The following ARHGAP26 variants were observed in gnomAD, a reference collection of about 807,000 sequenced individuals.
ARHGAP26 encodes the protein Rho GTPase activating protein 26, also known as rho GTPase-activating protein 26.
ARHGAP26 carries 38 observed loss-of-function variants against 104.8 expected under a neutral mutation model. The ratio of observed to expected loss-of-function variants is 0.36; its 90% confidence interval spans 0.28 to 0.48. ARHGAP26 has a LOEUF of 0.48. Ranked by LOEUF, ARHGAP26 falls within the 20% of genes least tolerant of loss-of-function variation. The pLI is 0.99. For synonymous variants in ARHGAP26, 341 were observed against 340.0 expected (o/e 1.00, Z -0.03); for missense variants, 704 against 947.9 (o/e 0.74, Z 3.38).
rs1283989067 is a variant in ARHGAP26, at chr5:143,170,387, CTTG to C, written c.1988+23011_1988+23013del. ...TCACGAGCTTTGCAAAAGTCTCCAA[CTTG>C]TTGTGACATTGTCCAAAACCTATGA... On this transcript the variant is annotated intron_variant, in intron 20 of 22. Transcript: ENST00000645722. 4 of 152,212 alleles carry C rather than the reference CTTG, an allele frequency of 2.6e-5. No individual in the cohort carries two copies. The East Asian group carries it at 7.7e-4, about 29-fold the overall frequency. 9.4% of individuals were successfully genotyped at this position (152,212 alleles called of 1,614,324 possible).
At chr5:143,039,082 C>T (rs1399552996) in intron 13 of ARHGAP26, among the ~76,000 whole-genome samples, 1 of 152,098 alleles carries the variant, frequency 6.6e-6, no homozygotes. Flanking sequence ...GGTCATATTG[C>T]ACAGGTTTCA....
intron 17 of ARHGAP26, among the ~76,000 whole-genome samples, chr5:143,109,720 G>A (rs952544555): frequency 9.9e-5 from 15 of 152,210 alleles, no homozygotes; most frequent in Admixed American, 8.5e-4. Context: ...GATTACAGGT[G>A]CAAGCCGCCA....
rs1463502231 is a variant in ARHGAP26, at chr5:143,227,794, G to A, written c.*5348G>A. On this transcript the variant is annotated 3_prime_UTR_variant, in exon 23 of 23. Transcript: ENST00000645722. ...CACCAGGACTAGAGAGAAAGAGAAA[G>A]GTGAACCATCCTAAGGAGCTTTGGA... 4.5e-6 allele frequency: 1 copy of A among 223,722 alleles called. No homozygotes were observed. The highest frequency in any genetic ancestry group is 2.2e-5 in the African/African-American group (1 of 44,680). 13.9% of individuals were successfully genotyped at this position (223,722 alleles called of 1,614,324 possible).
chr5:143,196,729 A>G (rs1806893644), intron 20 of ARHGAP26, among the ~76,000 whole-genome samples: 1 of 152,234 alleles, frequency 6.6e-6, no homozygotes, highest in Non-Finnish European at 1.5e-5. Context: ...AAAATGTGGT[A>G]CTAGGTAGAC....
At chr5:143,005,321 A>G (rs963711122) in intron 11 of ARHGAP26, among the ~76,000 whole-genome samples, 4 of 152,222 alleles carry the variant, frequency 2.6e-5, no homozygotes, top group African/African-American at 9.6e-5. Flanking sequence ...GTTGGCCTCA[A>G]AAGCTTCAGG....
At position 143,162,064 on chromosome 5, in the gene ARHGAP26, A is replaced by G. The variant is rs138323262; in HGVS notation, c.1988+14683A>G. Among the ~76,000 whole-genome samples the G allele has an allele frequency of 3.9e-5, 6 of 152,214 alleles. No individual in the cohort carries two copies. In the East Asian group the frequency reaches 5.8e-4, roughly 15 times the overall value. On this transcript the variant is annotated intron_variant, in intron 20 of 22. Transcript: ENST00000645722. ...TAACTCCAGCACTTTGACTTGCGCA[A>G]TGCTGCTGGAAGGTTGGTAAATCCA... is the stretch of plus-strand genomic sequence containing the variant.
At chr5:142,921,346 A>G (rs997507812) in intron 10 of ARHGAP26, among the ~76,000 whole-genome samples, 4 of 152,224 alleles carry the variant, frequency 2.6e-5, no homozygotes, top group Non-Finnish European at 5.9e-5. Context: ...TTAATACAGT[A>G]ATATGTGCAT....
intron 12 of ARHGAP26, among the ~76,000 whole-genome samples, chr5:143,033,564 T>A (rs1782187081): frequency 6.6e-6 from 1 of 152,244 alleles, no homozygotes; most frequent in Admixed American, 6.5e-5. Flanking sequence ...ATGTATCTTC[T>A]GACCACTGGG....
intron 12 of ARHGAP26, among the ~76,000 whole-genome samples, chr5:143,017,648 C>T (rs565531090): frequency 1.8e-4 from 28 of 152,226 alleles, no homozygotes; most frequent in African/African-American, 6.5e-4. Context: ...TTATTTCTTA[C>T]TTTGTGCCCT....
At chr5:142,819,702 T>C (rs186039504) in intron 1 of ARHGAP26, among the ~76,000 whole-genome samples, 40 of 152,338 alleles carry the variant, frequency 2.6e-4, no homozygotes, top group African/African-American at 8.4e-4. Flanking sequence ...TTATATGCTG[T>C]ATTTGGAAAA....
chr5:142,830,226 C>T (rs1269582304), intron 1 of ARHGAP26, among the ~76,000 whole-genome samples: 1 of 152,142 alleles, frequency 6.6e-6, no homozygotes, highest in Admixed American at 6.5e-5. Flanking sequence ...CTTGCATGCT[C>T]AGGATTGCTA....
intron 10 of ARHGAP26, among the ~76,000 whole-genome samples, chr5:142,925,508 T>A (rs1763782920): frequency 6.6e-6 from 1 of 152,212 alleles, no homozygotes. Context: ...TCTATGTGGC[T>A]TTGGCCATAT....
Position 143,092,154 on chromosome 5 carries a change from C to CTT in ARHGAP26, c.1539-28832_1539-28831dup, listed in dbSNP as rs1228485202. ...ACTTTCTGACTTGTTGCAAACATCC[C>CTT]TTTGTTTTTTTTTTTGTTTTTTTTT... On this transcript the variant is annotated intron_variant, in intron 17 of 22. Transcript: ENST00000645722. 2.1e-3 allele frequency among the ~76,000 whole-genome samples: 288 copies of CTT among 139,122 alleles called. 3 individuals carry two copies. The highest frequency in any genetic ancestry group is 7.8e-3 in the Middle Eastern group (2 of 258). 91.3% of individuals were successfully genotyped at this position (139,122 alleles called of 152,430 possible). A position where few individuals can be genotyped will look rare whatever the true frequency, so the allele number is the denominator to read the frequency against.
intron 20 of ARHGAP26, 142 bp from the exon 21 acceptor site, chr5:143,207,056 C>A: frequency 2.2e-6 from 2 of 914,960 alleles, no homozygotes; most frequent in Non-Finnish European, 1.7e-6. Context: ...AGGAATGTGA[C>A]ATGGCCCTGA....
At chr5:143,113,315 A>G (rs1794992955) in intron 17 of ARHGAP26, among the ~76,000 whole-genome samples, 1 of 152,208 alleles carries the variant, frequency 6.6e-6, no homozygotes, top group Non-Finnish European at 1.5e-5. Flanking sequence ...ACTGAGCAGT[A>G]CTTAACATCT....
intron 17 of ARHGAP26, among the ~76,000 whole-genome samples, chr5:143,090,766 C>T (rs1791299699): frequency 6.6e-6 from 1 of 152,186 alleles, no homozygotes; most frequent in Non-Finnish European, 1.5e-5. Context: ...CATTCTTGCT[C>T]TTTAGTGGTC....
intron 17 of ARHGAP26, among the ~76,000 whole-genome samples, chr5:143,071,176 T>G (rs745754820): frequency 2.0e-5 from 3 of 149,570 alleles, no homozygotes; most frequent in Non-Finnish European, 3.0e-5. Flanking sequence ...GCAAAAGCAG[T>G]CCTGAGAAAG....
At chr5:143,008,300 C>G (rs1202162744) in intron 11 of ARHGAP26, among the ~76,000 whole-genome samples, 1 of 152,164 alleles carries the variant, frequency 6.6e-6, no homozygotes, top group Non-Finnish European at 1.5e-5. Context: ...TAAAGTTGGA[C>G]TTTGAACCTA....
intron 1 of ARHGAP26, among the ~76,000 whole-genome samples, chr5:142,821,523 G>A (rs1394111917): frequency 6.6e-6 from 1 of 151,990 alleles, no homozygotes. Context: ...ACAGCAAGGG[G>A]AATGTTTTAT....
Sources: gnomAD v4.1 joint callset for allele counts (sites outside exome capture counted in the v4.1 genomes callset) on GRCh38, gnomAD v4.1.1 for gene constraint, MANE v1.5 for transcripts, NCBI Gene and HGNC (gene_info 2026-07-23, HGNC 2026-07-21) for gene names.